Variants in NIBAN1 observed in about 807,000 individuals in gnomAD.
NIBAN1 encodes the protein protein Niban 1.
In NIBAN1, 81 loss-of-function variants were observed where a neutral mutation model predicts 75.1. That is an observed-to-expected ratio of 1.08 (90% confidence interval 0.90 to 1.30). The LOEUF is 1.30. Among genes scored for constraint, NIBAN1 ranks in the 50% most tolerant of loss-of-function variants. The probability of loss-of-function intolerance (pLI) is 0.00; values close to 1 mark genes in which losing one functional copy is unlikely to be tolerated. For missense variants in NIBAN1, 1,133 were observed against 1,128.1 expected (o/e 1.00, Z -0.06); for synonymous variants, 436 against 424.8 (o/e 1.03, Z -0.32).
chr1:184,843,450 G>A (rs530238560), intron 5 of NIBAN1, among the ~76,000 whole-genome samples: 4 of 150,182 alleles, frequency 2.7e-5, no homozygotes, highest in South Asian at 2.1e-4. Context: ...TTTCCCCCCC[G>A]CAAAAAAAAA....
chr1:184,919,057 C>T (rs550302172), intron 1 of NIBAN1, among the ~76,000 whole-genome samples: 1 of 152,212 alleles, frequency 6.6e-6, no homozygotes, highest in African/African-American at 2.4e-5. Context: ...CTTTTTCTTA[C>T]ATACTGTGAG....
At chr1:184,944,998 G>T (rs1019591200) in intron 1 of NIBAN1, among the ~76,000 whole-genome samples, 6 of 152,154 alleles carry the variant, frequency 3.9e-5, no homozygotes, top group African/African-American at 1.4e-4. Flanking sequence ...AAGAGGAAAA[G>T]AAATCATATT....
chr1:184,954,535 G>C (rs546950510), intron 1 of NIBAN1, among the ~76,000 whole-genome samples: 1 of 152,326 alleles, frequency 6.6e-6, no homozygotes, highest in South Asian at 2.1e-4. Context: ...AGTCAAGCAC[G>C]AGCCTGTCTG....
chr1:184,958,459 A>T (rs1658546966), intron 1 of NIBAN1, among the ~76,000 whole-genome samples: 1 of 152,078 alleles, frequency 6.6e-6, no homozygotes, highest in African/African-American at 2.4e-5. Context: ...AAATGTTTCC[A>T]CTTAGCTCAT....
At chr1:184,816,575 A>G (rs958421858) in intron 9 of NIBAN1, among the ~76,000 whole-genome samples, 1 of 152,328 alleles carries the variant, frequency 6.6e-6, no homozygotes, top group South Asian at 2.1e-4. Flanking sequence ...AAACCAAGCT[A>G]AAATAGAGCC....
chr1:184,861,019 G>C (rs924285488), intron 5 of NIBAN1, among the ~76,000 whole-genome samples: 5 of 152,206 alleles, frequency 3.3e-5, no homozygotes, highest in African/African-American at 1.2e-4. Context: ...TTATTTTCAA[G>C]TATTTTCTAG....
chr1:184,961,560 T>C lies in NIBAN1; in HGVS notation c.55+12742A>G, dbSNP rs562380631. 5.3e-5 allele frequency among the ~76,000 whole-genome samples: 8 copies of C among 152,326 alleles called. No individual in the cohort carries two copies. The East Asian group carries it at 1.5e-3, about 29-fold the overall frequency. On this transcript the variant is annotated intron_variant, in intron 1 of 13. Coordinates refer to ENST00000367511, the MANE Select transcript of NIBAN1 (RefSeq NM_052966.4). Reference sequence around the variant, plus strand: ...AAAATCTGTAATGTTGGTTACCTACTTAATAGCCATCATGCTTCCTTCTTG... The same window carrying C: ...AAAATCTGTAATGTTGGTTACCTACCTAATAGCCATCATGCTTCCTTCTTG...
chr1:184,923,403 A>G (rs948511005), intron 1 of NIBAN1, among the ~76,000 whole-genome samples: 10 of 152,122 alleles, frequency 6.6e-5, no homozygotes, highest in African/African-American at 2.4e-4. Flanking sequence ...TGGGTTCTCT[A>G]TTCTGTTCCA....
intron 5 of NIBAN1, 127 bp downstream of exon 5, chr1:184,884,506 T>G (rs1408176615): frequency 7.8e-7 from 1 of 1,281,022 alleles, no homozygotes; most frequent in African/African-American, 1.5e-5. Context: ...ATTACAGGCA[T>G]GAGCCACCGC....
At chr1:184,940,143 G>A (rs947295034) in intron 1 of NIBAN1, among the ~76,000 whole-genome samples, 1 of 152,100 alleles carries the variant, frequency 6.6e-6, no homozygotes, top group Non-Finnish European at 1.5e-5. Flanking sequence ...GGCTAAGTGG[G>A]GATTCTGGCC....
chr1:184,894,719 C>A (rs932082018), intron 2 of NIBAN1, among the ~76,000 whole-genome samples: 6 of 152,210 alleles, frequency 3.9e-5, no homozygotes, highest in Non-Finnish European at 8.8e-5. Flanking sequence ...GGGGACCCCT[C>A]TCCATGCTAC....
chr1:184,910,759 C>T (rs984361795), intron 1 of NIBAN1, among the ~76,000 whole-genome samples: 10 of 152,186 alleles, frequency 6.6e-5, no homozygotes, highest in East Asian at 1.9e-4. Flanking sequence ...AACTTTTGAA[C>T]GGGTGGACTG....
In NIBAN1 at chr1:184,871,364, A is replaced by AG. The variant is rs1433676338; in HGVS notation, c.601+13268_601+13269insC. On this transcript the variant is annotated intron_variant, in intron 5 of 13. Coordinates refer to ENST00000367511, the MANE Select transcript of NIBAN1 (RefSeq NM_052966.4). Reference sequence around the variant, plus strand: ...CTCTATCTCAAAAAAAAAAAAAAAAAAAAAAAAAAGAGGAAAATGTGGACA... The same window carrying AG: ...CTCTATCTCAAAAAAAAAAAAAAAAAGAAAAAAAAAGAGGAAAATGTGGACA... Among the ~76,000 whole-genome samples the AG allele has an allele frequency of 2.8e-4, 42 of 147,824 alleles. 1 individual carries two copies. The highest frequency in any genetic ancestry group is 6.6e-4 in the South Asian group (3 of 4,564).
chr1:184,860,294 G>C (rs1267737547), intron 5 of NIBAN1, among the ~76,000 whole-genome samples: 1 of 151,792 alleles, frequency 6.6e-6, no homozygotes, highest in Non-Finnish European at 1.5e-5. Flanking sequence ...CCAGGGAGAC[G>C]GGGGCAGATC....
At chr1:184,932,338 A>G (rs988247820) in intron 1 of NIBAN1, among the ~76,000 whole-genome samples, 8 of 152,238 alleles carry the variant, frequency 5.3e-5, no homozygotes, top group Non-Finnish European at 8.8e-5. Context: ...TCCTGCAACT[A>G]GACGGTCCCA....
chr1:184,919,688 CTA>C (rs912360592), intron 1 of NIBAN1, among the ~76,000 whole-genome samples: 3 of 152,070 alleles, frequency 2.0e-5, no homozygotes, highest in African/African-American at 7.2e-5. Context: ...GGACTTGTCT[CTA>C]TTAGGGTAAT....
At chr1:184,926,474 G>A (rs903242906) in intron 1 of NIBAN1, among the ~76,000 whole-genome samples, 1 of 152,202 alleles carries the variant, frequency 6.6e-6, no homozygotes, top group African/African-American at 2.4e-5. Context: ...CTGACCTCAA[G>A]TGATCTGTCC....
intron 3 of NIBAN1, among the ~76,000 whole-genome samples, chr1:184,891,498 C>T (rs1656665200): frequency 6.6e-6 from 1 of 152,012 alleles, no homozygotes. Context: ...TATAACAGGC[C>T]CCAATATTGG....
intron 10 of NIBAN1, 90 bp from the exon 11 acceptor site, chr1:184,806,146 G>T: frequency 1.0e-6 from 1 of 974,064 alleles, no homozygotes; most frequent in Non-Finnish European, 1.6e-6. Context: ...GCAGAGTAGG[G>T]GCCATCAGAG....
Sources: gnomAD v4.1 joint callset for allele counts (sites outside exome capture counted in the v4.1 genomes callset) on GRCh38, gnomAD v4.1.1 for gene constraint, MANE v1.5 for transcripts, NCBI Gene and HGNC (gene_info 2026-07-23, HGNC 2026-07-21) for gene names.